The following CSMD1 variants were observed in gnomAD, a reference collection of about 807,000 sequenced individuals.
CSMD1 encodes the protein CUB and sushi domain-containing protein 1.
CSMD1 carries 213 observed loss-of-function variants against 417.5 expected under a neutral mutation model. That is an observed-to-expected ratio of 0.51 (90% CI 0.46 to 0.57). The LOEUF is 0.57. Among genes scored for constraint, CSMD1 ranks in the 20% least tolerant of loss-of-function variants. CSMD1 has a pLI of 0.00. For synonymous variants in CSMD1, 2,862 were observed against 1,736.8 expected (o/e 1.65, Z -16.11); for missense variants, 6,923 against 4,529.7 (o/e 1.53, Z -15.17).
intron 23 of CSMD1, among the ~76,000 whole-genome samples, chr8:3,326,285 T>C (rs1585003911): frequency 6.6e-6 from 1 of 152,244 alleles, no homozygotes; most frequent in African/African-American, 2.4e-5. Context: ...ATTTGCTTTT[T>C]GACATTGAGT....
chr8:4,363,582 C>T (rs1165748895), intron 3 of CSMD1, among the ~76,000 whole-genome samples: 1 of 152,180 alleles, frequency 6.6e-6, no homozygotes, highest in Non-Finnish European at 1.5e-5. Context: ...CGCCATCTGC[C>T]TGGAGGACCC....
intron 54 of CSMD1, among the ~76,000 whole-genome samples, chr8:2,981,878 G>A (rs1006706688): frequency 6.6e-6 from 1 of 152,036 alleles, no homozygotes; most frequent in Non-Finnish European, 1.5e-5. Context: ...AATAATAAAA[G>A]GCATCAGCAT....
At chr8:4,533,163 T>C (rs1796922296) in intron 2 of CSMD1, among the ~76,000 whole-genome samples, 1 of 152,230 alleles carries the variant, frequency 6.6e-6, no homozygotes. Flanking sequence ...GCTAATGTTT[T>C]CAGGGTGTAC....
Position 3,889,490 on chromosome 8 carries a change from TATAAAA to T in CSMD1, c.818+108407_818+108412del, listed in dbSNP as rs1563181316. 4.5e-5 allele frequency among the ~76,000 whole-genome samples: 4 copies of T among 88,320 alleles called. No homozygotes were observed. In the South Asian group the frequency reaches 1.6e-3, roughly 36 times the overall value. 57.9% of individuals were successfully genotyped at this position (88,320 alleles called of 152,430 possible). ...ATATATATATATATATATATATATA[TATAAAA>T]TATGCTCATTAGGTCATGATATATA... On this transcript the variant is annotated intron_variant, in intron 5 of 69. Transcript: ENST00000635120.
At chr8:4,582,532 G>A (rs554679805) in intron 2 of CSMD1, among the ~76,000 whole-genome samples, 1 of 152,304 alleles carries the variant, frequency 6.6e-6, no homozygotes, top group Admixed American at 6.5e-5. Flanking sequence ...TCTCACAGGA[G>A]TGAGAGATCA....
chr8:4,943,501 AAT>A (rs34336889), intron 1 of CSMD1, among the ~76,000 whole-genome samples: 66,034 of 117,362 alleles, frequency 0.56, 15,873 homozygotes, highest in East Asian at 0.8. Context: ...GTCTCAAAAA[AAT>A]AAAATGAAAT....
intron 3 of CSMD1, among the ~76,000 whole-genome samples, chr8:4,273,446 T>A (rs809649): frequency 6.6e-6 from 1 of 152,062 alleles, no homozygotes; most frequent in South Asian, 2.1e-4. Context: ...TCTTCAACTC[T>A]GGGGTTTCAG....
chr8:3,771,205 G>A (rs961086741), intron 5 of CSMD1, among the ~76,000 whole-genome samples: 24 of 152,168 alleles, frequency 1.6e-4, no homozygotes, highest in Non-Finnish European at 1.8e-4. Flanking sequence ...TACTCTTTTT[G>A]GGGCCAGCTA....
intron 1 of CSMD1, among the ~76,000 whole-genome samples, chr8:4,760,828 G>C (rs781032300): frequency 3.3e-5 from 5 of 152,148 alleles, no homozygotes; most frequent in Non-Finnish European, 5.9e-5. Flanking sequence ...CATTAGGAAG[G>C]AATTCCCATA....
chr8:3,199,821 A>G lies in CSMD1; in HGVS notation c.5099-12T>C, dbSNP rs1246674096. 6.5e-7 allele frequency: 1 copy of G among 1,538,746 alleles called. No homozygotes were observed. The highest frequency in any genetic ancestry group is 1.4e-5 in the African/African-American group (1 of 73,272). ...GGGCAATGTTTCCCCTAGAAACGAA[A>G]ACAGAGACAGATTCAGAAAACACAC... On this transcript the variant is annotated splice_polypyrimidine_tract_variant and intron_variant, in intron 32 of 69. Coordinates refer to ENST00000635120, the MANE Select transcript of CSMD1 (RefSeq NM_033225.6).
At chr8:3,663,698 G>A (rs1206189124) in intron 7 of CSMD1, among the ~76,000 whole-genome samples, 2 of 152,126 alleles carry the variant, frequency 1.3e-5, no homozygotes, top group African/African-American at 2.4e-5. Context: ...CCCCTTCTCT[G>A]CTTCCAGCCG....
intron 1 of CSMD1, among the ~76,000 whole-genome samples, chr8:4,914,583 GAAAAAAA>G (rs59293226): frequency 2.2e-5 from 3 of 133,688 alleles, no homozygotes; most frequent in East Asian, 2.3e-4. Flanking sequence ...CTCCCAAAAA[GAAAAAAA>G]AAAAAAAAAA....
chr8:4,529,889 T>C (rs902230172), intron 2 of CSMD1, among the ~76,000 whole-genome samples: 40 of 100,880 alleles, frequency 4.0e-4, no homozygotes, highest in Non-Finnish European at 5.3e-4. Flanking sequence ...TTTTTTTAAA[T>C]TTATTTAATT....
In CSMD1 at chr8:3,767,420, A is replaced by G. The variant is rs188469343; in HGVS notation, c.819-13378T>C. ...GCCCTCCTAAACCTCAGAATTGTTC[A>G]TTGTGTGAATAACGATATGTGCTAC... is the stretch of plus-strand genomic sequence containing the variant. On this transcript the variant is annotated intron_variant, in intron 5 of 69. Transcript: ENST00000635120. 2.2e-3 allele frequency among the ~76,000 whole-genome samples: 332 copies of G among 152,292 alleles called. 1 individual carries two copies. Among genetic ancestry groups the G allele is most frequent in the African/African-American group, 7.8e-3 (325 of 41,562 alleles).
chr8:4,867,813 T>C (rs1802505874), intron 1 of CSMD1, among the ~76,000 whole-genome samples: 1 of 152,136 alleles, frequency 6.6e-6, no homozygotes, highest in African/African-American at 2.4e-5. Flanking sequence ...TTCATTTTAC[T>C]ACATGTGGCA....
chr8:3,868,450 C>A (rs1057405413), intron 5 of CSMD1, among the ~76,000 whole-genome samples: 3 of 152,124 alleles, frequency 2.0e-5, no homozygotes, highest in Non-Finnish European at 4.4e-5. Context: ...CGATCCCATG[C>A]CACCTGCATC....
intron 3 of CSMD1, among the ~76,000 whole-genome samples, chr8:4,353,994 T>G (rs1009190346): frequency 6.6e-6 from 1 of 152,224 alleles, no homozygotes; most frequent in Non-Finnish European, 1.5e-5. Context: ...TCCTAACACC[T>G]GCGTGGTTGT....
intron 1 of CSMD1, among the ~76,000 whole-genome samples, chr8:4,784,120 C>T (rs1797287471): frequency 6.6e-6 from 1 of 152,140 alleles, no homozygotes; most frequent in African/African-American, 2.4e-5. Flanking sequence ...AGAAGATAGC[C>T]AAGGGTACAC....
chr8:4,307,168 A>G (rs1225034735), intron 3 of CSMD1, among the ~76,000 whole-genome samples: 1 of 152,162 alleles, frequency 6.6e-6, no homozygotes, highest in Non-Finnish European at 1.5e-5. Flanking sequence ...TCTTCAGCAC[A>G]GGCTCCATTT....
Sources: allele counts gnomAD v4.1 joint callset (sites outside exome capture counted in the v4.1 genomes callset), GRCh38; gene constraint gnomAD v4.1.1; transcripts MANE v1.5; gene names NCBI Gene and HGNC (gene_info 2026-07-23, HGNC 2026-07-21).